Variants in ANKRD31 observed in about 807,000 individuals in gnomAD.
The protein encoded by ANKRD31 is ankyrin repeat domain-containing protein 31.
Under a neutral mutation model 186.0 loss-of-function variants are expected in ANKRD31, and 147 were observed. The ratio of observed to expected loss-of-function variants is 0.79; its 90% CI spans 0.69 to 0.91. The LOEUF is 0.91. Among genes scored for constraint, ANKRD31 ranks in the 40% least tolerant of loss-of-function variants. ANKRD31 has a pLI of 0.00. For synonymous variants in ANKRD31, 673 were observed against 736.4 expected, an observed-to-expected ratio of 0.91 and a Z score of 1.39; for missense variants, 1,986 against 2,148.8, an observed-to-expected ratio of 0.92 and a Z score of 1.50.
At chr5:75,122,983 G>A (rs931483203) in intron 17 of ANKRD31, among the ~76,000 whole-genome samples, 1 of 152,074 alleles carries the variant, frequency 6.6e-6, no homozygotes, top group African/African-American at 2.4e-5. Context: ...TTGGAAAAGA[G>A]GAAGTCAGAA....
intron 10 of ANKRD31, among the ~76,000 whole-genome samples, chr5:75,184,596 C>T (rs1033928583): frequency 6.6e-6 from 1 of 151,598 alleles, no homozygotes; most frequent in East Asian, 1.9e-4. Flanking sequence ...AGCAAAAGAC[C>T]AACAGGTATA....
chr5:75,192,032 T>C (rs947993307), intron 9 of ANKRD31, among the ~76,000 whole-genome samples: 1 of 152,126 alleles, frequency 6.6e-6, no homozygotes, highest in Non-Finnish European at 1.5e-5. Context: ...TCCAGACACA[T>C]GTATACATAA....
At chr5:75,166,489 A>G (rs1752933034) in intron 11 of ANKRD31, among the ~76,000 whole-genome samples, 1 of 152,098 alleles carries the variant, frequency 6.6e-6, no homozygotes, top group South Asian at 2.1e-4. Flanking sequence ...AACAAAAACA[A>G]AAACAAAAAA....
intron 22 of ANKRD31, among the ~76,000 whole-genome samples, chr5:75,093,866 G>C (rs555401231): frequency 3.9e-5 from 6 of 152,210 alleles, no homozygotes; most frequent in African/African-American, 1.4e-4. Flanking sequence ...TGAGAAAATT[G>C]GTTGCTAAGA....
intron 16 of ANKRD31, among the ~76,000 whole-genome samples, 173 bp downstream of exon 16, chr5:75,138,673 T>C (rs1480543990): frequency 6.6e-6 from 1 of 152,172 alleles, no homozygotes; most frequent in Non-Finnish European, 1.5e-5. Context: ...AAAAGGTCTT[T>C]TAACAATGAT....
chr5:75,110,535 C>A (rs1218859058), intron 20 of ANKRD31, among the ~76,000 whole-genome samples: 3 of 151,698 alleles, frequency 2.0e-5, no homozygotes, highest in African/African-American at 4.8e-5. Flanking sequence ...CATGGTGAAA[C>A]CCTGTCTTTA....
chr5:75,187,232 T>C (rs1754799373), intron 10 of ANKRD31, among the ~76,000 whole-genome samples: 1 of 151,768 alleles, frequency 6.6e-6, no homozygotes, highest in Non-Finnish European at 1.5e-5. Flanking sequence ...GGAAACACTG[T>C]CCTCTGTAAT....
intron 10 of ANKRD31, among the ~76,000 whole-genome samples, chr5:75,170,669 T>G (rs1206326068): frequency 6.6e-6 from 1 of 151,984 alleles, no homozygotes; most frequent in Admixed American, 6.6e-5. Flanking sequence ...CCCTTCCTCC[T>G]CCCATAAGTA....
At chr5:75,189,319 T>G (rs1754945438) in intron 9 of ANKRD31, among the ~76,000 whole-genome samples, 1 of 152,206 alleles carries the variant, frequency 6.6e-6, no homozygotes, top group African/African-American at 2.4e-5. Flanking sequence ...ATTTACATGT[T>G]TCAAATCCTG....
rs1482570842 is a variant in ANKRD31, at chr5:75,154,401, T to A, written c.1708-56A>T. On this transcript the variant is annotated intron_variant, in intron 11 of 25. Coordinates refer to ENST00000506364, the MANE Select transcript of ANKRD31 (RefSeq NM_001372053.1). ...CAGATTGAGGGTGTATTACTGTGAA[T>A]GTGTGCTAGCAGACTACTCTAAGTA... is the stretch of plus-strand genomic sequence containing the variant. 3 of 1,436,270 alleles carry A rather than the reference T, an allele frequency of 2.1e-6. No individual in the cohort carries two copies. In the South Asian group the frequency reaches 4.3e-5, roughly 21 times the overall value. The allele number at this position is 1,436,270 out of a possible 1,614,324, so 89.0% of individuals were successfully genotyped here.
At chr5:75,133,221 T>C (rs1750027156) in intron 17 of ANKRD31, among the ~76,000 whole-genome samples, 1 of 152,090 alleles carries the variant, frequency 6.6e-6, no homozygotes, top group Non-Finnish European at 1.5e-5. Context: ...GATTGGCAAA[T>C]TGGATAGAGT....
At chr5:75,089,906 G>T (rs1745802354) in intron 23 of ANKRD31, among the ~76,000 whole-genome samples, 1 of 152,214 alleles carries the variant, frequency 6.6e-6, no homozygotes, top group Non-Finnish European at 1.5e-5. Context: ...AGGGCCAAAT[G>T]ATGTTACAGC....
intron 9 of ANKRD31, among the ~76,000 whole-genome samples, chr5:75,191,190 A>C (rs76592041): frequency 1.8e-3 from 268 of 152,254 alleles, no homozygotes; most frequent in African/African-American, 6.0e-3. Context: ...AGTTAGTGTA[A>C]GGAATGTTAT....
chr5:75,182,646 G>A (rs1754402676), intron 10 of ANKRD31, among the ~76,000 whole-genome samples: 1 of 151,774 alleles, frequency 6.6e-6, no homozygotes. Flanking sequence ...TTGAACCTGG[G>A]AGGGGAAGGT....
chr5:75,089,635 G>T (rs980729739), intron 23 of ANKRD31, among the ~76,000 whole-genome samples: 1 of 152,066 alleles, frequency 6.6e-6, no homozygotes, highest in African/African-American at 2.4e-5. Flanking sequence ...TTCTCAGCTT[G>T]GGGTATTTAC....
Position 75,167,782 on chromosome 5 carries a change from A to C in ANKRD31, c.1707+1197T>G, listed in dbSNP as rs567536897. On this transcript the variant is annotated intron_variant, in intron 11 of 25. Coordinates refer to ENST00000506364, the MANE Select transcript of ANKRD31 (RefSeq NM_001372053.1). ...TTCGAAGTGGGGCAAAGGAACAAAT[A>C]GGAAAGAAAAGAAGAAAAATTAAAA... Among the ~76,000 whole-genome samples the C allele has an allele frequency of 2.0e-5, 3 of 152,350 alleles. 1 individual carries two copies. The highest frequency in any genetic ancestry group is 2.0e-4 in the Admixed American group (3 of 15,294).
chr5:75,075,676 T>C (rs1345383554), intron 25 of ANKRD31, among the ~76,000 whole-genome samples: 1 of 152,128 alleles, frequency 6.6e-6, no homozygotes, highest in East Asian at 1.9e-4. Flanking sequence ...CACCAAGCTT[T>C]GGGCCAGTGA....
intron 22 of ANKRD31, among the ~76,000 whole-genome samples, chr5:75,092,407 G>C (rs994613567): frequency 6.6e-6 from 1 of 152,164 alleles, no homozygotes; most frequent in Non-Finnish European, 1.5e-5. Flanking sequence ...TTAGTCTGTA[G>C]AGCAATTTGT....
At position 75,138,999 on chromosome 5, in the gene ANKRD31, A is replaced by G; in HGVS notation, c.3596-16T>C. 6.5e-7 allele frequency: 1 copy of G among 1,535,236 alleles called. No homozygotes were observed. The highest frequency in any genetic ancestry group is 8.7e-7 in the Non-Finnish European group (1 of 1,145,980). On this transcript the variant is annotated splice_polypyrimidine_tract_variant and intron_variant, in intron 15 of 25. Coordinates refer to ENST00000506364, the MANE Select transcript of ANKRD31 (RefSeq NM_001372053.1). ...GCTTTCATTCCTGTAAATTTGCCAA[A>G]CAAGAGGTTTATTTTCTGCCAAATG...
Sources: gnomAD v4.1 joint callset for allele counts (sites outside exome capture counted in the v4.1 genomes callset) on GRCh38, gnomAD v4.1.1 for gene constraint, MANE v1.5 for transcripts, NCBI Gene and HGNC (gene_info 2026-07-23, HGNC 2026-07-21) for gene names.